The following STMN2 variants were observed in gnomAD, a reference collection of about 807,000 sequenced individuals.
STMN2 encodes stathmin 2, also known as stathmin-2.
A neutral mutation model predicts 24.1 loss-of-function variants in STMN2; 2 were observed. The ratio of observed to expected loss-of-function variants is 0.08; its 90% CI spans 0.03 to 0.26. STMN2 has a LOEUF of 0.26. STMN2 is among the 10% of genes least tolerant of loss of function. The probability of loss-of-function intolerance (pLI) is 1.00; values close to 1 mark genes in which losing one functional copy is unlikely to be tolerated. For synonymous variants in STMN2, 83 were observed against 77.5 expected (o/e 1.07, Z -0.37); for missense variants, 114 against 213.6 (o/e 0.53, Z 2.91).
rs377226364 is a variant in STMN2 at position 79,654,953 on chromosome 8, A to G, written c.371A>G (p.Asn124Ser). 3 of 1,613,938 alleles carry G rather than the reference A, an allele frequency of 1.9e-6. No homozygotes were observed. The highest frequency in any genetic ancestry group is 2.5e-6 in the Non-Finnish European group (3 of 1,179,954). Residue 124 changes from asparagine to serine, a missense_variant, in exon 4 of 5, where the codon AAC becomes AGC. Transcript: ENST00000220876. ...GTCCTTCAGAAGGCTTTGGAGGAGA[A>G]CAACAACTTCAGCAAGATGGCGGAG... ...REVLQKALEE[N>S]NNFSKMAEEK...
chr8:79,641,624 GCACGCACACACACACA>G, intron 3 of STMN2, 74 bp downstream of exon 3: 1 of 476,318 alleles, frequency 2.1e-6, no homozygotes, highest in Non-Finnish European at 3.4e-6. Context: ...GGGCACACAT[GCACGCACACACACACA>G]CACACACACA....
intron 4 of STMN2, among the ~76,000 whole-genome samples, chr8:79,657,540 G>A (rs1366928773): frequency 6.6e-6 from 1 of 152,144 alleles, no homozygotes; most frequent in African/African-American, 2.4e-5. Flanking sequence ...GAGAACTAGT[G>A]GTTCGTAGCC....
At position 79,664,927 on chromosome 8, in the gene STMN2, T is replaced by C; in HGVS notation, c.*53T>C. 5 of 1,545,652 alleles carry C rather than the reference T, an allele frequency of 3.2e-6. No homozygotes were observed. Among genetic ancestry groups the C allele is most frequent in the Non-Finnish European group, 4.4e-6 (5 of 1,128,864 alleles). On this transcript the variant is annotated 3_prime_UTR_variant, in exon 5 of 5. Coordinates refer to ENST00000220876, the MANE Select transcript of STMN2 (RefSeq NM_007029.4). The stretch of plus-strand genomic sequence containing the variant: ...CAATAGTAAATCCCCCTGCCTATAT[T>C]ATAATGGATCATGCGATATCAGGAT...
At chr8:79,635,881 C>T (rs931010283) in intron 1 of STMN2, among the ~76,000 whole-genome samples, 2 of 151,836 alleles carry the variant, frequency 1.3e-5, no homozygotes, top group Non-Finnish European at 2.9e-5. Flanking sequence ...TGCACATATA[C>T]CCCTTGTATC....
chr8:79,654,023 G>A (rs1310643897), intron 3 of STMN2, among the ~76,000 whole-genome samples: 1 of 152,182 alleles, frequency 6.6e-6, no homozygotes, highest in Non-Finnish European at 1.5e-5. Context: ...TGGACTACCT[G>A]CATTTGAGTC....
intron 2 of STMN2, among the ~76,000 whole-genome samples, chr8:79,638,178 C>T (rs1435974997): frequency 1.3e-5 from 2 of 152,214 alleles, no homozygotes; most frequent in East Asian, 3.8e-4. Flanking sequence ...ATCCAGAGTT[C>T]CATAGGGCGT....
At chr8:79,615,630 T>C (rs1452004994) in intron 1 of STMN2, among the ~76,000 whole-genome samples, 1 of 152,186 alleles carries the variant, frequency 6.6e-6, no homozygotes, top group African/African-American at 2.4e-5. Flanking sequence ...TCATGTTCTC[T>C]AAAAAAGCAG....
intron 1 of STMN2, among the ~76,000 whole-genome samples, chr8:79,632,125 A>G (rs1809814821): frequency 6.6e-6 from 1 of 152,196 alleles, no homozygotes; most frequent in African/African-American, 2.4e-5. Flanking sequence ...CAGGGTCCAT[A>G]GCTAGTGCCC....
chr8:79,657,279 T>G (rs1444141251), intron 4 of STMN2, among the ~76,000 whole-genome samples: 2 of 152,208 alleles, frequency 1.3e-5, no homozygotes, highest in African/African-American at 4.8e-5. Flanking sequence ...TTTTTTCCTC[T>G]GTGTGTTTTT....
chr8:79,626,016 C>T (rs1480821105), intron 1 of STMN2, among the ~76,000 whole-genome samples: 2 of 134,894 alleles, frequency 1.5e-5, no homozygotes, highest in Non-Finnish European at 3.1e-5. Flanking sequence ...GAAATTAATG[C>T]TTATTAATAA....
chr8:79,649,217 T>C (rs1585903934), intron 3 of STMN2, among the ~76,000 whole-genome samples: 1 of 151,958 alleles, frequency 6.6e-6, no homozygotes, highest in East Asian at 1.9e-4. Flanking sequence ...TACTGGATTA[T>C]TCACCGCTTG....
At chr8:79,644,109 ATCTTTAAAGAG>A (rs1479393324) in intron 3 of STMN2, among the ~76,000 whole-genome samples, 1 of 152,210 alleles carries the variant, frequency 6.6e-6, no homozygotes, top group Non-Finnish European at 1.5e-5. Flanking sequence ...ACTATTAATT[ATCTTTAAAGAG>A]TCTTTAGCAA....
intron 3 of STMN2, among the ~76,000 whole-genome samples, chr8:79,649,417 T>TAG (rs1810286218): frequency 6.6e-6 from 1 of 152,208 alleles, no homozygotes; most frequent in Non-Finnish European, 1.5e-5. Context: ...ATTTTAAATT[T>TAG]CCTGTTATGC....
At chr8:79,635,523 AGAT>A (rs1809925713) in intron 1 of STMN2, among the ~76,000 whole-genome samples, 1 of 152,222 alleles carries the variant, frequency 6.6e-6, no homozygotes, top group Non-Finnish European at 1.5e-5. Context: ...CATCTATGGC[AGAT>A]TGGATAAAGA....
chr8:79,621,795 C>T (rs1809521722), intron 1 of STMN2, among the ~76,000 whole-genome samples: 1 of 152,212 alleles, frequency 6.6e-6, no homozygotes, highest in South Asian at 2.1e-4. Flanking sequence ...TCAGTACTTA[C>T]TTTGCTTCTA....
At chr8:79,648,216 T>C (rs1810256424) in intron 3 of STMN2, among the ~76,000 whole-genome samples, 1 of 152,226 alleles carries the variant, frequency 6.6e-6, no homozygotes, top group Non-Finnish European at 1.5e-5. Context: ...CCGTATGTCC[T>C]CCTTTGTCAA....
chr8:79,629,013 C>T (rs1362412793), intron 1 of STMN2, among the ~76,000 whole-genome samples: 3 of 152,160 alleles, frequency 2.0e-5, no homozygotes, highest in Non-Finnish European at 2.9e-5. Flanking sequence ...GAGGAAGTGA[C>T]ATTTGAGTTT....
At position 79,641,452 on chromosome 8, in the gene STMN2, A is replaced by G. The variant is rs1260776348; in HGVS notation, c.190A>G (p.Ile64Val). 9 of 1,614,096 alleles carry G rather than the reference A, an allele frequency of 5.6e-6. No homozygotes were observed. The highest frequency in any genetic ancestry group is 7.6e-6 in the Non-Finnish European group (9 of 1,179,992). The stretch of plus-strand genomic sequence containing the variant: ...GCTGATCTTGAAGCCACCATCTCCT[A>G]TCTCAGAAGCCCCACGAACTTTAGC... ...FELILKPPSP[I>V]SEAPRTLASP... Residue 64 changes from isoleucine to valine, a missense_variant, in exon 3 of 5, where the codon ATC becomes GTC. Coordinates refer to ENST00000220876, the MANE Select transcript of STMN2 (RefSeq NM_007029.4).
chr8:79,621,384 A>C (rs951954730), intron 1 of STMN2, among the ~76,000 whole-genome samples: 2 of 152,246 alleles, frequency 1.3e-5, no homozygotes, highest in Admixed American at 6.5e-5. Context: ...GTAAAGAGGG[A>C]ACAAGGAGCG....
Sources: gnomAD v4.1 joint callset for allele counts (sites outside exome capture counted in the v4.1 genomes callset) on GRCh38, gnomAD v4.1.1 for gene constraint, MANE v1.5 for transcripts, NCBI Gene and HGNC (gene_info 2026-07-23, HGNC 2026-07-21) for gene names.